Variants in PAGR1 observed in about 807,000 individuals in gnomAD.
PAGR1 encodes the protein PAXIP1-associated glutamate-rich protein 1.
A neutral mutation model predicts 22.4 loss-of-function variants in PAGR1; 20 were observed. The observed-to-expected ratio is 0.89, with a 90% CI of 0.63 to 1.30. PAGR1 has a LOEUF of 1.30. Among genes scored for constraint, PAGR1 ranks in the 50% most tolerant of loss-of-function variants. PAGR1 has a pLI of 0.00. For missense variants in PAGR1, 338 were observed against 343.6 expected, an observed-to-expected ratio of 0.98 and a Z score of 0.13; for synonymous variants, 161 against 148.3, an observed-to-expected ratio of 1.09 and a Z score of -0.62.
At chr16:29,817,360 C>A in intron 2 of PAGR1, 68 bp downstream of exon 2, 1 of 1,493,096 alleles carries the variant, frequency 6.7e-7, no homozygotes, top group South Asian at 1.2e-5. Context: ...GATCGGCTCC[C>A]CTAGAGGCCT....
chr16:29,816,899 T>C lies in PAGR1; in HGVS notation c.374T>C (p.Leu125Pro), dbSNP rs868558474. Residue 125 changes from leucine (L) to proline (P), a missense_variant, in exon 1 of 3, where the codon CTG (leucine) becomes CCG (proline). Leu to Pro is a moderately conservative substitution (Grantham distance 98, BLOSUM62 -3). Around this residue, in one of 3 missense-constraint regions of PAGR1, gnomAD observed 235 missense variants for 216.0 expected, o/e 1.09. Coordinates refer to ENST00000320330, the MANE Select transcript of PAGR1 (RefSeq NM_024516.4). ...LYELLAAHGTLELQAEILPRR... is the reference protein window; with the variant it reads ...LYELLAAHGTPELQAEILPRR... ...GAACTGCTGGCTGCCCACGGTACTCTGGAGCTGCAAGCCGAGATCCTGCCC... is the reference window on the plus strand; with the variant it reads ...GAACTGCTGGCTGCCCACGGTACTCCGGAGCTGCAAGCCGAGATCCTGCCC... 15 of 1,562,304 alleles carry C rather than the reference T, an allele frequency of 9.6e-6. No homozygotes were observed. The East Asian group carries it at 3.3e-4, about 34-fold the overall frequency.
At position 29,821,738 on chromosome 16, in the gene PAGR1, A is replaced by G. The variant is rs980756954; in HGVS notation, c.*1984A>G. Among the ~76,000 whole-genome samples, 15 of 152,238 alleles carry G rather than the reference A, an allele frequency of 9.9e-5. No homozygotes were observed. Among genetic ancestry groups the G allele is most frequent in the Non-Finnish European group, 4.4e-5 (3 of 68,046 alleles). The stretch of plus-strand genomic sequence containing the variant: ...CTCTTGGGCAAATTTCTTAACTTGC[A>G]GGTTCTTGTGAGGATAACATGAGTT... On this transcript the variant is annotated 3_prime_UTR_variant, in exon 3 of 3. Coordinates refer to ENST00000320330, the MANE Select transcript of PAGR1 (RefSeq NM_024516.4).
rs563560179 is a variant in PAGR1 at position 29,821,662 on chromosome 16, T to C, written c.*1908T>C. The stretch of plus-strand genomic sequence containing the variant: ...CCACTGCCTCCTAGTTTGTGGTCTC[T>C]ACAGTTATAGCCAGGTTGGACTTCC... On this transcript the variant is annotated 3_prime_UTR_variant, in exon 3 of 3. Transcript: ENST00000320330. Among the ~76,000 whole-genome samples the C allele has an allele frequency of 6.6e-6, 1 of 152,364 alleles. No homozygotes were observed. The highest frequency in any genetic ancestry group is 2.4e-5 in the African/African-American group (1 of 41,580).
In PAGR1 at chr16:29,816,989, A is replaced by C; in HGVS notation, c.464A>C (p.Lys155Thr). 1 of 1,566,430 alleles carries C rather than the reference A, an allele frequency of 6.4e-7. No homozygotes were observed. Among genetic ancestry groups the C allele is most frequent in the Non-Finnish European group, 8.6e-7 (1 of 1,158,236 alleles). Residue 155 changes from lysine (K) to threonine (T), a missense_variant, in exon 1 of 3, where the codon AAA (lysine) becomes ACA (threonine). Transcript: ENST00000320330. Reference protein sequence around the residue: ...EERSDEEPEAKEEEEEKPHMP... With the variant: ...EERSDEEPEATEEEEEKPHMP... ...AGATCCGATGAGGAGCCGGAGGCCA[A>C]AGAAGAGGAAGAGGAAAAGTAAAGG... is the stretch of plus-strand genomic sequence containing the variant.
At position 29,819,918 on chromosome 16, in the gene PAGR1, T is replaced by C; in HGVS notation, c.*164T>C. 1.3e-6 allele frequency: 1 copy of C among 759,196 alleles called. No homozygotes were observed. The highest frequency in any genetic ancestry group is 2.1e-6 in the Non-Finnish European group (1 of 483,566). 47.0% of individuals were successfully genotyped at this position (759,196 alleles called of 1,614,324 possible). A position where few individuals can be genotyped will look rare whatever the true frequency, so the allele number is the denominator to read the frequency against. On this transcript the variant is annotated 3_prime_UTR_variant, in exon 3 of 3. Coordinates refer to ENST00000320330, the MANE Select transcript of PAGR1 (RefSeq NM_024516.4). ...AAGAGAGAGTGTGAGTGTGTGTGTG[T>C]GTTTTTTCTATTGAACACCTGTAGA...
Position 29,816,941 on chromosome 16 carries a change from C to G in PAGR1, c.416C>G (p.Pro139Arg), listed in dbSNP as rs374459711. 6.4e-6 allele frequency: 10 copies of G among 1,573,546 alleles called. No individual in the cohort carries two copies. The highest frequency in any genetic ancestry group is 2.7e-5 in the African/African-American group (2 of 74,336). Reference protein sequence around the residue: ...AEILPRRPPTPEAQSEEERSD... With the variant: ...AEILPRRPPTREAQSEEERSD... ...ATCCTGCCCCGCCGGCCTCCCACGC[C>G]GGAGGCCCAGAGCGAAGAGGAGAGA... Residue 139 changes from proline (P) to arginine (R), a missense_variant, in exon 1 of 3, where the codon CCG becomes CGG. By Grantham distance (103) the Pro-to-Arg change is moderately radical. Around this residue, in one of 3 missense-constraint regions of PAGR1, gnomAD observed 235 missense variants for 216.0 expected, o/e 1.09. Transcript: ENST00000320330.
chr16:29,816,751 G>T lies in PAGR1; in HGVS notation c.226G>T (p.Gly76Ter). The T allele has an allele frequency of 6.3e-7, 1 of 1,595,890 alleles. No homozygotes were observed. Among genetic ancestry groups the T allele is most frequent in the South Asian group, 1.1e-5 (1 of 89,312 alleles). The stretch of plus-strand genomic sequence containing the variant: ...GCAGGGAGAAGTCCCCAGCGCTGGG[G>T]GAGAAGAGCCTGCCGAGGAGGACTC... ...EAQGEVPSAG[G>*]EEPAEEDSED... Residue 76 changes from glycine (G) to a stop codon, truncating the protein, a stop_gained, in exon 1 of 3, where the codon GGA becomes TGA. Coordinates refer to ENST00000320330, the MANE Select transcript of PAGR1 (RefSeq NM_024516.4). LOFTEE classifies it high-confidence loss of function.
chr16:29,817,045 C>G, intron 1 of PAGR1, 38 bp downstream of exon 1: 2 of 1,553,682 alleles, frequency 1.3e-6, no homozygotes, highest in African/African-American at 1.4e-5. Flanking sequence ...CGGGGCTGCT[C>G]CCCTGATGGC....
rs2067359244 is a variant in PAGR1 at position 29,821,400 on chromosome 16, G to T, written c.*1646G>T. 1 of 152,216 alleles carries T rather than the reference G, an allele frequency of 6.6e-6. No individual in the cohort carries two copies. Among genetic ancestry groups the T allele is most frequent in the Non-Finnish European group, 1.5e-5 (1 of 68,072 alleles). The allele number at this position is 152,216 out of a possible 1,614,324, so 9.4% of individuals were successfully genotyped here. ...TATGTAGCCTTGAGCAGGTAGGGGG[G>T]CCACCTTGAGTGGGTGGCCCAGAGA... On this transcript the variant is annotated 3_prime_UTR_variant, in exon 3 of 3. Transcript: ENST00000320330.
rs758045357 is a variant in PAGR1 at position 29,816,575 on chromosome 16, CTCTG to C, written c.55_58del (p.Ser19LysfsTer5). ...GACACTGCGGCCAGTACGGCGGCGC[CTCTG>C]TCTGAAGAAGGGGAAGTGACCTCCG... is the stretch of plus-strand genomic sequence containing the variant. On this transcript the variant is annotated frameshift_variant, in exon 1 of 3. Coordinates refer to ENST00000320330, the MANE Select transcript of PAGR1 (RefSeq NM_024516.4). LOFTEE classifies it high-confidence loss of function. The C allele has an allele frequency of 1.0e-4, 151 of 1,513,168 alleles. No homozygotes were observed. The highest frequency in any genetic ancestry group is 1.3e-4 in the Non-Finnish European group (144 of 1,133,582). 93.7% of individuals were successfully genotyped at this position (1,513,168 alleles called of 1,614,324 possible). A position where few individuals can be genotyped will look rare whatever the true frequency, so the allele number is the denominator to read the frequency against.
At position 29,816,309 on chromosome 16, in the gene PAGR1, C is replaced by T; in HGVS notation, c.-217C>T. 2.3e-6 allele frequency: 1 copy of T among 425,952 alleles called. No homozygotes were observed. 26.4% of individuals were successfully genotyped at this position (425,952 alleles called of 1,614,324 possible). ...TTTCGGAAAGTGGTTTCTGCGGGGC[C>T]CGGGAGCCTCGGAGTACCGAACCTC... On this transcript the variant is annotated 5_prime_UTR_variant, in exon 1 of 3. Transcript: ENST00000320330.
chr16:29,819,692 C>A lies in PAGR1; in HGVS notation c.703C>A (p.Pro235Thr). 6.2e-7 allele frequency: 1 copy of A among 1,613,842 alleles called. No homozygotes were observed. Among genetic ancestry groups the A allele is most frequent in the Non-Finnish European group, 8.5e-7 (1 of 1,180,020 alleles). ...LFSLDSEDPSPASPPLRSSGS... is the reference protein window; with the variant it reads ...LFSLDSEDPSTASPPLRSSGS... ...CAGCCTGGACTCGGAGGACCCCAGC[C>A]CCGCCAGCCCCCCACTCCGATCCTC... Residue 235 changes from proline (P) to threonine (T), a missense_variant, in exon 3 of 3, where the codon CCC becomes ACC. By Grantham distance (38) the Pro-to-Thr change is conservative (BLOSUM62 -1). Around this residue, in one of 3 missense-constraint regions of PAGR1, gnomAD observed 52 missense variants for 44.5 expected, o/e 1.17. Transcript: ENST00000320330.
intron 1 of PAGR1, 55 bp from the exon 2 acceptor site, chr16:29,817,155 C>T (rs993969517): frequency 1.9e-6 from 3 of 1,611,876 alleles, no homozygotes; most frequent in Non-Finnish European, 1.7e-6. Context: ...GAGAAGCACA[C>T]GTGTGGGTGG....
intron 2 of PAGR1, 120 bp downstream of exon 2, chr16:29,817,412 A>T: frequency 1.3e-6 from 1 of 795,274 alleles, no homozygotes; most frequent in Non-Finnish European, 2.1e-6. Flanking sequence ...CAGCTGCAGG[A>T]GAGAGTATTC....
rs1408383596 is a variant in PAGR1 at position 29,816,435 on chromosome 16, G to A, written c.-91G>A. The A allele has an allele frequency of 3.2e-6, 4 of 1,267,552 alleles. No individual in the cohort carries two copies. The highest frequency in any genetic ancestry group is 4.1e-6 in the Non-Finnish European group (4 of 982,684). 78.5% of individuals were successfully genotyped at this position (1,267,552 alleles called of 1,614,324 possible). A position where few individuals can be genotyped will look rare whatever the true frequency, so the allele number is the denominator to read the frequency against. On this transcript the variant is annotated 5_prime_UTR_variant, in exon 1 of 3. Coordinates refer to ENST00000320330, the MANE Select transcript of PAGR1 (RefSeq NM_024516.4). ...TGCGGGAGCGTGATTGGCTGGAAAC[G>A]GTCCCGAACCCCCAGGGGAGCCCGA...
chr16:29,819,976 A>G lies in PAGR1; in HGVS notation c.*222A>G, dbSNP rs1900328228. 1.6e-5 allele frequency: 9 copies of G among 548,790 alleles called. No individual in the cohort carries two copies. The Admixed American group carries it at 3.0e-4, about 18-fold the overall frequency. 34.0% of individuals were successfully genotyped at this position (548,790 alleles called of 1,614,324 possible). ...TGTGTGTTTTCTATTGAACACCTAT[A>G]GAGAGAGTGTGTGTGTTTTCTATTG... On this transcript the variant is annotated 3_prime_UTR_variant, in exon 3 of 3. Transcript: ENST00000320330.
rs1900322154 is a variant in PAGR1 at position 29,819,730 on chromosome 16, C to T, written c.741C>T (p.Leu247=). 1 of 1,612,148 alleles carries T rather than the reference C, an allele frequency of 6.2e-7. No homozygotes were observed. Among genetic ancestry groups the T allele is most frequent in the Non-Finnish European group, 8.5e-7 (1 of 1,178,824 alleles). ...SPPLRSSGSS[L]FPRQRKY ...CACTCCGATCCTCCGGGAGTAGTCT[C>T]TTCCCTCGGCAGCGGAAATACTGAT... The change falls in exon 3 of 3, where the codon CTC becomes CTT. Residue 247 remains leucine, a synonymous_variant. Transcript: ENST00000320330.
rs1010919275 is a variant in PAGR1 at position 29,820,519 on chromosome 16, A to G, written c.*765A>G. 6.6e-6 allele frequency: 1 copy of G among 152,246 alleles called. No individual in the cohort carries two copies. The highest frequency in any genetic ancestry group is 2.1e-4 in the South Asian group (1 of 4,834). 9.4% of individuals were successfully genotyped at this position (152,246 alleles called of 1,614,324 possible). ...TACCTGCACTTCTAGATGTGAGTAC[A>G]TTGTACTAGCCCCCCAAACCCCAAA... On this transcript the variant is annotated 3_prime_UTR_variant, in exon 3 of 3. Transcript: ENST00000320330.
At chr16:29,817,125 GGGA>G (rs148214909) in intron 1 of PAGR1, 82 bp from the exon 2 acceptor site, 6 of 1,598,582 alleles carry the variant, frequency 3.8e-6, no homozygotes, top group Non-Finnish European at 5.1e-6. Context: ...AAGCCAGCGG[GGGA>G]GGAGGAACGG....
Sources: allele counts gnomAD v4.1 joint callset (sites outside exome capture counted in the v4.1 genomes callset), GRCh38; gene constraint gnomAD v4.1.1; regional missense constraint gnomAD v4.1.1; transcripts MANE v1.5; gene names NCBI Gene and HGNC (gene_info 2026-07-23, HGNC 2026-07-21).